SMARCC1: variants seen among roughly 807,000 people sequenced by gnomAD.
SMARCC1 encodes the protein SWI/SNF complex subunit SMARCC1.
A neutral mutation model predicts 147.4 loss-of-function variants in SMARCC1; 43 were observed. The observed-to-expected ratio is 0.29, with a 90% CI of 0.23 to 0.38. SMARCC1 has a LOEUF of 0.38. SMARCC1 is among the 10% of genes least tolerant of loss of function. The pLI, the probability that SMARCC1 is intolerant of heterozygous loss-of-function variation, is 1.00. For missense variants in SMARCC1, 1,119 were observed against 1,381.1 expected, an observed-to-expected ratio of 0.81 and a Z score of 3.01; for synonymous variants, 495 against 484.4, an observed-to-expected ratio of 1.02 and a Z score of -0.29.
At chr3:47,618,719 T>C (rs1157006238) in intron 25 of SMARCC1, among the ~76,000 whole-genome samples, 1 of 152,146 alleles carries the variant, frequency 6.6e-6, no homozygotes, top group Non-Finnish European at 1.5e-5. Flanking sequence ...GGATGCGAAC[T>C]CTGCTATTCT....
In SMARCC1 at chr3:47,609,492, G is replaced by A. The variant is rs12496774; in HGVS notation, c.3043+574C>T. On this transcript the variant is annotated intron_variant, in intron 26 of 27. Coordinates refer to ENST00000254480, the MANE Select transcript of SMARCC1 (RefSeq NM_003074.4). ...AGCCTGGGCGACAGAGCGAGACTCC[G>A]TCTCAAAAAAAAAAAAAAGACTCCC... 4.0e-3 allele frequency among the ~76,000 whole-genome samples: 567 copies of A among 141,502 alleles called. 4 individuals are homozygous for A. Among genetic ancestry groups the A allele is most frequent in the East Asian group, 0.035 (167 of 4,832 alleles). 92.8% of individuals were successfully genotyped at this position (141,502 alleles called of 152,430 possible). A position where few individuals can be genotyped will look rare whatever the true frequency, so the allele number is the denominator to read the frequency against.
At chr3:47,638,907 AGTTG>A in intron 21 of SMARCC1, 127 bp from the exon 22 acceptor site, 1 of 695,576 alleles carries the variant, frequency 1.4e-6, no homozygotes, top group Admixed American at 2.5e-5. Context: ...ATAGCCATAC[AGTTG>A]AAAAAAGAAG....
At chr3:47,594,358 G>A (rs1333371842) in intron 26 of SMARCC1, among the ~76,000 whole-genome samples, 1 of 152,156 alleles carries the variant, frequency 6.6e-6, no homozygotes, top group East Asian at 1.9e-4. Flanking sequence ...AAATAACTTG[G>A]TCAAATCACT....
At chr3:47,593,540 T>C (rs774202312) in intron 26 of SMARCC1, among the ~76,000 whole-genome samples, 75 of 152,240 alleles carry the variant, frequency 4.9e-4, no homozygotes, top group Non-Finnish European at 4.3e-4. Context: ...ATGTAGTTTT[T>C]CTTTAAATCT....
intron 3 of SMARCC1, among the ~76,000 whole-genome samples, chr3:47,741,231 C>CT (rs1316496814): frequency 6.6e-6 from 1 of 151,608 alleles, no homozygotes; most frequent in Non-Finnish European, 1.5e-5. Context: ...AGATAGAAAA[C>CT]TTTAACTTTT....
Position 47,686,173 on chromosome 3 carries a change from A to G in SMARCC1, c.1264-3T>C, listed in dbSNP as rs148713067. On this transcript the variant is annotated splice_polypyrimidine_tract_variant and splice_region_variant and intron_variant, in intron 13 of 27. Coordinates refer to ENST00000254480, the MANE Select transcript of SMARCC1 (RefSeq NM_003074.4). Reference sequence around the variant, plus strand: ...CCTTTGGCAGGATCTTCATCTTCCTATAGAAAAGAAGACAAAGTTCAAAGA... The same window carrying G: ...CCTTTGGCAGGATCTTCATCTTCCTGTAGAAAAGAAGACAAAGTTCAAAGA... 68 of 1,610,130 alleles carry G rather than the reference A, an allele frequency of 4.2e-5. 1 individual carries two copies. In the East Asian group the frequency reaches 1.4e-3, roughly 33 times the overall value.
intron 25 of SMARCC1, 105 bp from the exon 26 acceptor site, chr3:47,610,432 CA>C (rs1301061532): frequency 1.2e-5 from 14 of 1,152,712 alleles, no homozygotes. Flanking sequence ...TATCCCATCA[CA>C]CTGACATCAC....
intron 25 of SMARCC1, among the ~76,000 whole-genome samples, chr3:47,621,357 C>A (rs1252670757): frequency 2.6e-5 from 4 of 151,348 alleles, no homozygotes; most frequent in African/African-American, 9.7e-5. Context: ...CCTGCACATG[C>A]ATGTTTATTG....
intron 22 of SMARCC1, 150 bp downstream of exon 22, chr3:47,638,575 C>G: frequency 1.5e-6 from 1 of 652,540 alleles, no homozygotes; most frequent in East Asian, 2.5e-5. Context: ...TATATTATAT[C>G]CTGTGAGAAC....
intron 6 of SMARCC1, among the ~76,000 whole-genome samples, chr3:47,724,891 T>C (rs1290901729): frequency 1.3e-5 from 2 of 151,924 alleles, no homozygotes; most frequent in South Asian, 2.1e-4. Context: ...TCTACAAAAA[T>C]TGTTTTTAAA....
chr3:47,698,802 TA>T (rs1158115554), intron 11 of SMARCC1, among the ~76,000 whole-genome samples: 19 of 144,904 alleles, frequency 1.3e-4, no homozygotes, highest in South Asian at 8.6e-4. Flanking sequence ...CAATACTTAC[TA>T]AAAAAAAAAA....
chr3:47,664,926 T>C (rs1315979498), intron 19 of SMARCC1, among the ~76,000 whole-genome samples: 1 of 152,220 alleles, frequency 6.6e-6, no homozygotes, highest in Non-Finnish European at 1.5e-5. Flanking sequence ...CTCTACACTG[T>C]GAGATTGAGC....
intron 11 of SMARCC1, among the ~76,000 whole-genome samples, chr3:47,695,584 T>C (rs1237434452): frequency 1.4e-5 from 2 of 145,734 alleles, no homozygotes; most frequent in Admixed American, 6.8e-5. Context: ...CTGGCCAACG[T>C]GGTGAAACCC....
intron 9 of SMARCC1, among the ~76,000 whole-genome samples, chr3:47,710,202 A>C (rs565922142): frequency 1.1e-3 from 168 of 152,210 alleles, no homozygotes; most frequent in Middle Eastern, 3.4e-3. Context: ...CTATAATCCC[A>C]GCTACTTGGG....
chr3:47,712,045 C>G (rs1386022864), intron 8 of SMARCC1, among the ~76,000 whole-genome samples: 2 of 152,054 alleles, frequency 1.3e-5, no homozygotes, highest in Non-Finnish European at 2.9e-5. Context: ...CCAGCCTGAC[C>G]AACAAGGAGA....
At chr3:47,675,656 A>C (rs2033559961) in intron 17 of SMARCC1, 68 bp from the exon 18 acceptor site, 1 of 901,302 alleles carries the variant, frequency 1.1e-6, no homozygotes, top group African/African-American at 1.7e-5. Context: ...TGTTTTTAAA[A>C]ATTTGTTTGG....
At chr3:47,749,736 C>CAG (rs71070224) in intron 2 of SMARCC1, among the ~76,000 whole-genome samples, 26,933 of 110,550 alleles carry the variant, frequency 0.24, 4,084 homozygotes, top group East Asian at 0.28. Context: ...GAGAAAGAGA[C>CAG]AGAGAGAGAG....
At chr3:47,700,508 G>GTTGTTTT (rs774690029) in intron 11 of SMARCC1, among the ~76,000 whole-genome samples, 16 of 151,994 alleles carry the variant, frequency 1.1e-4, no homozygotes, top group Non-Finnish European at 2.4e-4. Flanking sequence ...AACATTTTGG[G>GTTGTTTT]TTGTTTTTTG....
intron 21 of SMARCC1, among the ~76,000 whole-genome samples, chr3:47,640,133 G>A (rs1007519356): frequency 3.3e-5 from 5 of 152,130 alleles, no homozygotes; most frequent in South Asian, 2.1e-4. Context: ...TACAGAGAAC[G>A]TAAAGCCTTA....
Sources: allele counts gnomAD v4.1 joint callset (sites outside exome capture counted in the v4.1 genomes callset), GRCh38; gene constraint gnomAD v4.1.1; transcripts MANE v1.5; gene names NCBI Gene and HGNC (gene_info 2026-07-23, HGNC 2026-07-21).